The following CCDC18 variants were observed in gnomAD, a reference collection of about 807,000 sequenced individuals.
CCDC18 encodes coiled-coil domain containing 18.
CCDC18 carries 157 observed loss-of-function variants against 196.0 expected under a neutral mutation model. That is an observed-to-expected ratio of 0.80 (90% CI 0.70 to 0.91). The LOEUF is 0.91. Among genes scored for constraint, CCDC18 ranks in the 40% least tolerant of loss-of-function variants. CCDC18 has a pLI of 0.00. For missense variants in CCDC18, 1,465 were observed against 1,611.6 expected (o/e 0.91, Z 1.56); for synonymous variants, 482 against 529.2 (o/e 0.91, Z 1.22).
intron 9 of CCDC18, among the ~76,000 whole-genome samples, chr1:93,210,258 A>G (rs1655395562): frequency 6.6e-6 from 1 of 152,174 alleles, no homozygotes; most frequent in South Asian, 2.1e-4. Flanking sequence ...AAAATTCTGT[A>G]TTATCCAAAC....
rs1199790301 is a variant in CCDC18 at position 93,270,341 on chromosome 1, C to T, written c.3886-6C>T. The T allele has an allele frequency of 1.3e-6, 2 of 1,501,374 alleles. No homozygotes were observed. The highest frequency in any genetic ancestry group is 1.8e-6 in the Non-Finnish European group (2 of 1,107,506). 93.0% of individuals were successfully genotyped at this position (1,501,374 alleles called of 1,614,324 possible). On this transcript the variant is annotated splice_region_variant and splice_polypyrimidine_tract_variant and intron_variant, in intron 27 of 28. Transcript: ENST00000690025. ...GAGCACCTACTATGTACCAATTTAT[C>T]TGCAGGAATCAGAATTAACCAGATT...
chr1:93,269,720 T>C, intron 27 of CCDC18: 1 of 152,274 alleles, frequency 6.6e-6, no homozygotes, highest in African/African-American at 2.4e-5. Flanking sequence ...CATCTCTTTT[T>C]TTAGGCTTTT....
chr1:93,181,392 A>AC, intron 1 of CCDC18, among the ~76,000 whole-genome samples: 1 of 151,978 alleles, frequency 6.6e-6, no homozygotes, highest in Non-Finnish European at 1.5e-5. Context: ...GCGTGTGCAA[A>AC]CCTACAAACA....
At chr1:93,180,240 C>T (rs1215409706), upstream of CCDC18, 7 of 1,610,200 alleles carry the variant, frequency 4.3e-6, no homozygotes, top group Non-Finnish European at 5.1e-6. Flanking sequence ...TCTTGTCGCC[C>T]ATCCCTGCTG....
intron 19 of CCDC18, among the ~76,000 whole-genome samples, chr1:93,238,193 T>C (rs1194594404): frequency 1.3e-5 from 2 of 152,234 alleles, no homozygotes; most frequent in African/African-American, 4.8e-5. Context: ...CTTTTCTAAT[T>C]ATCTGTTTTA....
At chr1:93,266,084 C>G (rs1157081626) in intron 27 of CCDC18, among the ~76,000 whole-genome samples, 1 of 152,098 alleles carries the variant, frequency 6.6e-6, no homozygotes, top group African/African-American at 2.4e-5. Context: ...TAGAAATCAC[C>G]ACAAACTGTC....
rs150334757 is a variant in CCDC18, at chr1:93,253,467, G to A, written c.3199-1004G>A. ...GTTCCCTGATTGCAGCAAGAGAGTC[G>A]GGGCTGAGACTGGGTCCCCTTGGGA... On this transcript the variant is annotated intron_variant, in intron 23 of 28. Coordinates refer to ENST00000690025, the MANE Select transcript of CCDC18 (RefSeq NM_001378204.1). Among the ~76,000 whole-genome samples the A allele has an allele frequency of 3.2e-4, 49 of 152,054 alleles. No individual in the cohort carries two copies. In the East Asian group the frequency reaches 7.9e-3, roughly 25 times the overall value.
intron 16 of CCDC18, among the ~76,000 whole-genome samples, chr1:93,223,222 G>A (rs1180021851): frequency 6.6e-6 from 1 of 152,104 alleles, no homozygotes; most frequent in East Asian, 1.9e-4. Context: ...TGTGTTAATA[G>A]CCAGATATGA....
intron 25 of CCDC18, among the ~76,000 whole-genome samples, chr1:93,257,055 A>G (rs1411432908): frequency 6.6e-6 from 1 of 151,814 alleles, no homozygotes; most frequent in Non-Finnish European, 1.5e-5. Flanking sequence ...GTGAAACACC[A>G]TCTCTACTAA....
At chr1:93,238,568 C>T (rs1372170747) in intron 19 of CCDC18, among the ~76,000 whole-genome samples, 2 of 152,094 alleles carry the variant, frequency 1.3e-5, no homozygotes, top group Non-Finnish European at 2.9e-5. Context: ...AAAGTGTTGA[C>T]ACAAAGGAAC....
At chr1:93,274,671 C>T (rs1291176188) in intron 28 of CCDC18, among the ~76,000 whole-genome samples, 9 of 151,216 alleles carry the variant, frequency 6.0e-5, no homozygotes, top group African/African-American at 1.9e-4. Context: ...TAGCAAGACC[C>T]GATCTCTACA....
intron 28 of CCDC18, 128 bp downstream of exon 28, chr1:93,270,942 T>A: frequency 7.2e-7 from 1 of 1,394,968 alleles, no homozygotes; most frequent in Non-Finnish European, 9.3e-7. Context: ...TTTTACATTT[T>A]ATACATTAAG....
chr1:93,240,825 T>C (rs1171923626), intron 21 of CCDC18, among the ~76,000 whole-genome samples: 1 of 152,184 alleles, frequency 6.6e-6, no homozygotes, highest in Non-Finnish European at 1.5e-5. Flanking sequence ...ACTCATATTT[T>C]CTCATAACCC....
At chr1:93,199,968 C>T (rs555726581) in intron 6 of CCDC18, 5 of 152,434 alleles carry the variant, frequency 3.3e-5, no homozygotes, top group Non-Finnish European at 5.9e-5. Flanking sequence ...CAGACCCCCA[C>T]CTGGAACTGT....
rs896768951 is a variant in CCDC18 at position 93,265,012 on chromosome 1, T to C, written c.3885+111T>C. 8.7e-6 allele frequency: 6 copies of C among 690,782 alleles called. No individual in the cohort carries two copies. The East Asian group carries it at 1.7e-4, about 19-fold the overall frequency. The allele number at this position is 690,782 out of a possible 1,614,324, so 42.8% of individuals were successfully genotyped here. On this transcript the variant is annotated intron_variant, in intron 27 of 28. Transcript: ENST00000690025. Reference sequence around the variant, plus strand: ...ACTATATGACCAAATATTGGCCTGTTTGAATAAAAACCATTTGATTTAGAA... The same window carrying C: ...ACTATATGACCAAATATTGGCCTGTCTGAATAAAAACCATTTGATTTAGAA...
chr1:93,247,265 T>G (rs557008484), intron 23 of CCDC18, among the ~76,000 whole-genome samples: 1 of 152,266 alleles, frequency 6.6e-6, no homozygotes, highest in South Asian at 2.1e-4. Flanking sequence ...TCCTAGATAC[T>G]TTATTTTTTT....
At chr1:93,253,277 CCAG>C (rs1444736453) in intron 23 of CCDC18, among the ~76,000 whole-genome samples, 1 of 151,942 alleles carries the variant, frequency 6.6e-6, no homozygotes. Context: ...CCAGACAGGG[CCAG>C]CAGGTCTCAG....
intron 4 of CCDC18, among the ~76,000 whole-genome samples, chr1:93,186,964 T>C (rs1650794381): frequency 6.6e-6 from 1 of 152,046 alleles, no homozygotes; most frequent in Non-Finnish European, 1.5e-5. Context: ...TTACTTTATA[T>C]ATAGTCTGTG....
intron 21 of CCDC18, among the ~76,000 whole-genome samples, chr1:93,245,090 C>T (rs1167074602): frequency 6.6e-6 from 1 of 152,144 alleles, no homozygotes; most frequent in South Asian, 2.1e-4. Context: ...AGATCAGAGA[C>T]ATTTATCTTT....
Sources: allele counts gnomAD v4.1 joint callset (sites outside exome capture counted in the v4.1 genomes callset), GRCh38; gene constraint gnomAD v4.1.1; transcripts MANE v1.5; gene names NCBI Gene and HGNC (gene_info 2026-07-23, HGNC 2026-07-21).